ITPK1: variants seen among roughly 807,000 people sequenced by gnomAD.
The protein encoded by ITPK1 is inositol-tetrakisphosphate 1-kinase.
A neutral mutation model predicts 45.3 loss-of-function variants in ITPK1; 21 were observed. That is an observed-to-expected ratio of 0.46 (90% confidence interval 0.33 to 0.67). The LOEUF (loss-of-function observed/expected upper bound fraction) is 0.67. ITPK1 is among the 30% of genes least tolerant of loss of function. ITPK1 has a pLI of 0.02. For missense variants in ITPK1, 474 were observed against 573.5 expected (o/e 0.83, Z 1.77); for synonymous variants, 258 against 253.6 (o/e 1.02, Z -0.16).
At chr14:93,019,561 C>T (rs1474989578) in intron 3 of ITPK1, among the ~76,000 whole-genome samples, 2 of 152,218 alleles carry the variant, frequency 1.3e-5, no homozygotes, top group Non-Finnish European at 2.9e-5. Context: ...CGGGTGCGGC[C>T]GCCTCTCGCT....
At chr14:93,100,661 G>A (rs768366348) in intron 2 of ITPK1, among the ~76,000 whole-genome samples, 29 of 152,022 alleles carry the variant, frequency 1.9e-4, no homozygotes, top group Non-Finnish European at 3.1e-4. Flanking sequence ...TCTGACTCAG[G>A]AACCAATACA....
intron 5 of ITPK1, among the ~76,000 whole-genome samples, chr14:92,983,181 T>C (rs911295240): frequency 1.3e-5 from 2 of 152,166 alleles, no homozygotes; most frequent in African/African-American, 4.8e-5. Flanking sequence ...GCCCGATGTC[T>C]GAGTCTGGCG....
chr14:93,102,260 C>T (rs1189571015), intron 2 of ITPK1, among the ~76,000 whole-genome samples: 2 of 152,260 alleles, frequency 1.3e-5, no homozygotes, highest in African/African-American at 2.4e-5. Flanking sequence ...CCCAAATCTC[C>T]GCAAGCACAG....
intron 7 of ITPK1, 94 bp downstream of exon 7, chr14:92,962,261 C>T: frequency 2.2e-6 from 2 of 899,388 alleles, no homozygotes; most frequent in Non-Finnish European, 3.8e-6. Flanking sequence ...AGGGCAGGAG[C>T]AGTGGCAGTG....
Position 93,080,776 on chromosome 14 carries a change from G to A in ITPK1, c.96-4157C>T, listed in dbSNP as rs1270227565. Among the ~76,000 whole-genome samples the A allele has an allele frequency of 4.6e-5, 7 of 151,622 alleles. 1 individual carries two copies. The South Asian group carries it at 6.2e-4, about 14-fold the overall frequency. On this transcript the variant is annotated intron_variant, in intron 2 of 10. Transcript: ENST00000267615. ...TTTTGAGACAGAGTCTGGCTCTATC[G>A]CCCAGGCTGGAGTACAGTGGCATGA...
At chr14:92,946,539 G>A (rs1402490245) in intron 9 of ITPK1, 46 bp from the exon 10 acceptor site, 7 of 1,581,998 alleles carry the variant, frequency 4.4e-6, no homozygotes, top group East Asian at 2.2e-5. Context: ...GAGGAGCTGC[G>A]AAGCCACACC....
intron 2 of ITPK1, among the ~76,000 whole-genome samples, chr14:93,100,532 A>AGGAGGGAG (rs1399589186): frequency 6.6e-6 from 1 of 150,388 alleles, no homozygotes; most frequent in Non-Finnish European, 1.5e-5. Context: ...GGGGGGAGAG[A>AGGAGGGAG]GGAGGGAGAG....
intron 2 of ITPK1, among the ~76,000 whole-genome samples, chr14:93,113,037 CTT>C (rs10623183): frequency 1.3e-5 from 2 of 152,186 alleles, no homozygotes; most frequent in African/African-American, 2.4e-5. Flanking sequence ...CGGAAAAACT[CTT>C]TGGTGTTTTC....
At chr14:93,047,266 A>G (rs1422145505) in intron 3 of ITPK1, among the ~76,000 whole-genome samples, 2 of 152,208 alleles carry the variant, frequency 1.3e-5, no homozygotes, top group African/African-American at 4.8e-5. Context: ...GGGGTGGGCA[A>G]GTGATACAGT....
intron 5 of ITPK1, among the ~76,000 whole-genome samples, chr14:92,985,911 A>G (rs1168916365): frequency 6.6e-6 from 1 of 151,940 alleles, no homozygotes; most frequent in Non-Finnish European, 1.5e-5. Context: ...CATTTTACAG[A>G]TAGGAAAGCT....
At chr14:93,004,114 G>A (rs185859862) in intron 4 of ITPK1, among the ~76,000 whole-genome samples, 18 of 152,296 alleles carry the variant, frequency 1.2e-4, no homozygotes, top group Admixed American at 9.2e-4. Flanking sequence ...GCACACCCAC[G>A]GCATGGTCAC....
rs562605368 is a variant in ITPK1 at position 93,041,774 on chromosome 14, C to T, written c.121-24973G>A. On this transcript the variant is annotated intron_variant, in intron 3 of 10. Transcript: ENST00000267615. ...GGCAGGCCCCAGTCCTGTGCTCGCA[C>T]CCAGCACTACAGGTGACAAGAGTTC... Among the ~76,000 whole-genome samples, 6 of 152,338 alleles carry T rather than the reference C, an allele frequency of 3.9e-5. No individual in the cohort carries two copies. In the East Asian group the frequency reaches 1.2e-3, roughly 29 times the overall value.
intron 7 of ITPK1, among the ~76,000 whole-genome samples, chr14:92,961,495 G>C (rs1382107748): frequency 6.6e-6 from 1 of 152,190 alleles, no homozygotes; most frequent in African/African-American, 2.4e-5. Flanking sequence ...ATTCCACAGG[G>C]TTGATTCTAA....
chr14:93,064,185 A>AGGCAGAAGAAT (rs369749418), intron 3 of ITPK1, among the ~76,000 whole-genome samples: 76 of 152,334 alleles, frequency 5.0e-4, no homozygotes, highest in African/African-American at 1.7e-3. Flanking sequence ...TGGGAGGCTG[A>AGGCAGAAGAAT]GGCAGAAGAA....
At chr14:93,094,044 C>CA (rs1485394283) in intron 2 of ITPK1, among the ~76,000 whole-genome samples, 1 of 152,232 alleles carries the variant, frequency 6.6e-6, no homozygotes, top group African/African-American at 2.4e-5. Context: ...GCCTCGGCTC[C>CA]ACCGCTCCCG....
chr14:92,977,583 G>T (rs1668863259), intron 5 of ITPK1, among the ~76,000 whole-genome samples: 1 of 152,062 alleles, frequency 6.6e-6, no homozygotes, highest in African/African-American at 2.4e-5. Flanking sequence ...TAGATCATGG[G>T]GGTGGATTTC....
At chr14:92,980,977 G>C (rs960669039) in intron 5 of ITPK1, among the ~76,000 whole-genome samples, 3 of 152,112 alleles carry the variant, frequency 2.0e-5, no homozygotes, top group Non-Finnish European at 4.4e-5. Flanking sequence ...CAAAATGCTG[G>C]GATTACAGGC....
At chr14:92,977,772 A>AGC (rs1286709011) in intron 5 of ITPK1, among the ~76,000 whole-genome samples, 1 of 151,882 alleles carries the variant, frequency 6.6e-6, no homozygotes, top group Admixed American at 6.5e-5. Flanking sequence ...CCTTCTGTAT[A>AGC]GCCTGTGGAA....
intron 5 of ITPK1, among the ~76,000 whole-genome samples, chr14:92,993,406 C>T (rs1021085832): frequency 8.5e-5 from 13 of 152,234 alleles, no homozygotes; most frequent in East Asian, 3.9e-4. Flanking sequence ...GCAGGGGAGG[C>T]GCCGCAGTGA....
Sources: gnomAD v4.1 joint callset for allele counts (sites outside exome capture counted in the v4.1 genomes callset) on GRCh38, gnomAD v4.1.1 for gene constraint, MANE v1.5 for transcripts, NCBI Gene and HGNC (gene_info 2026-07-23, HGNC 2026-07-21) for gene names.